The following GTF3C1 variants were observed in gnomAD, a reference collection of about 807,000 sequenced individuals.
GTF3C1 encodes the protein general transcription factor 3C polypeptide 1.
GTF3C1 carries 57 observed loss-of-function variants against 226.7 expected under a neutral mutation model. That is an observed-to-expected ratio of 0.25 (90% CI 0.20 to 0.31). The LOEUF (loss-of-function observed/expected upper bound fraction) is 0.31. Ranked by LOEUF, GTF3C1 falls within the 10% of genes least tolerant of loss-of-function variation. The probability of loss-of-function intolerance (pLI) is 1.00; values close to 1 mark genes in which losing one functional copy is unlikely to be tolerated. For missense variants in GTF3C1, 2,217 were observed against 2,776.1 expected, an observed-to-expected ratio of 0.80 and a Z score of 4.53; for synonymous variants, 1,090 against 1,084.8, an observed-to-expected ratio of 1.00 and a Z score of -0.09.
At chr16:27,525,454 C>T (rs1018533263) in intron 6 of GTF3C1, among the ~76,000 whole-genome samples, 3 of 152,250 alleles carry the variant, frequency 2.0e-5, no homozygotes, top group Non-Finnish European at 4.4e-5. Flanking sequence ...GGTTTCCTAA[C>T]CTCCCAGCTG....
chr16:27,547,410 C>A (rs1234276055), intron 1 of GTF3C1, among the ~76,000 whole-genome samples: 1 of 152,150 alleles, frequency 6.6e-6, no homozygotes, highest in Admixed American at 6.6e-5. Context: ...TCACATGTCT[C>A]TTCAGCAAAG....
At chr16:27,478,998 G>A (rs1012136305) in intron 27 of GTF3C1, among the ~76,000 whole-genome samples, 2 of 152,112 alleles carry the variant, frequency 1.3e-5, no homozygotes, top group African/African-American at 4.8e-5. Context: ...TGAGCAAAGG[G>A]TATAAAGTTA....
chr16:27,465,661 C>G (rs1389307329), intron 32 of GTF3C1, 121 bp from the exon 33 acceptor site: 24 of 759,958 alleles, frequency 3.2e-5, no homozygotes, highest in Non-Finnish European at 5.1e-5. Flanking sequence ...CCCCGACAGC[C>G]ACAGGGGTCA....
intron 2 of GTF3C1, among the ~76,000 whole-genome samples, chr16:27,543,457 CAT>C (rs1198469232): frequency 2.0e-5 from 3 of 152,198 alleles, no homozygotes; most frequent in African/African-American, 7.2e-5. Flanking sequence ...GTGGTGCAAT[CAT>C]AACTCACTGA....
At chr16:27,504,323 G>A (rs1001714715) in intron 10 of GTF3C1, among the ~76,000 whole-genome samples, 1 of 152,224 alleles carries the variant, frequency 6.6e-6, no homozygotes, top group Non-Finnish European at 1.5e-5. Flanking sequence ...AGGGAGGAAG[G>A]CAGGCGGGAC....
At chr16:27,537,394 T>C (rs2089017478) in intron 4 of GTF3C1, among the ~76,000 whole-genome samples, 1 of 152,184 alleles carries the variant, frequency 6.6e-6, no homozygotes, top group Non-Finnish European at 1.5e-5. Context: ...GCTATAGTCA[T>C]ATTCTAATTT....
At chr16:27,546,097 T>A (rs2089158721) in intron 1 of GTF3C1, among the ~76,000 whole-genome samples, 1 of 152,220 alleles carries the variant, frequency 6.6e-6, no homozygotes, top group Admixed American at 6.5e-5. Context: ...TCCACCCGCC[T>A]CAGCTTCCCA....
rs563127990 is a variant in GTF3C1 at position 27,488,955 on chromosome 16, G to C, written c.3429+88C>G. The C allele has an allele frequency of 1.1e-4, 132 of 1,242,488 alleles. No homozygotes were observed. The South Asian group carries it at 1.5e-3, about 14-fold the overall frequency. The allele number at this position is 1,242,488 out of a possible 1,614,324, so 77.0% of individuals were successfully genotyped here. On this transcript the variant is annotated intron_variant, in intron 21 of 36. Coordinates refer to ENST00000356183, the MANE Select transcript of GTF3C1 (RefSeq NM_001520.4). ...GCACCTTCAATACAAACGGAAGCCA[G>C]TATTTGTGTCTCTGGTCAGGCAGGG... is the stretch of plus-strand genomic sequence containing the variant.
In GTF3C1 at chr16:27,462,641, C is replaced by T. The variant is rs1281772937; in HGVS notation, c.5925-155G>A. On this transcript the variant is annotated intron_variant, in intron 35 of 36. Transcript: ENST00000356183. This position sits in a 1 kb window ranked among gnomAD's most constrained non-coding sequence, Gnocchi z 4.5. ...TCTCTGCTTTCCAAACTCCCTGCTT[C>T]TCTCCTGTCTGGACAGAGGGGCCCT... 1.3e-5 allele frequency: 8 copies of T among 621,196 alleles called. No individual in the cohort carries two copies. Among genetic ancestry groups the T allele is most frequent in the Middle Eastern group, 4.2e-4 (1 of 2,364 alleles). 38.5% of individuals were successfully genotyped at this position (621,196 alleles called of 1,614,324 possible).
chr16:27,489,868 C>G lies in GTF3C1; in HGVS notation c.3152-125G>C, dbSNP rs232067. ...CTGTGAAAAGGCTCCCCGGCCACTG[C>G]GGGGGTCTGAGATTGGTAAGACCTC... is the stretch of plus-strand genomic sequence containing the variant. On this transcript the variant is annotated intron_variant, in intron 19 of 36. Transcript: ENST00000356183. 5,078 of 877,314 alleles carry G rather than the reference C, an allele frequency of 5.8e-3. 179 individuals are homozygous for G. In the African/African-American group the frequency reaches 0.072, roughly 12 times the overall value. 54.3% of individuals were successfully genotyped at this position (877,314 alleles called of 1,614,324 possible). A position where few individuals can be genotyped will look rare whatever the true frequency, so the allele number is the denominator to read the frequency against.
rs1324748073 is a variant in GTF3C1 at position 27,462,889 on chromosome 16, GCACACTTTCCTCGAAACAGA to G, written c.5925-423_5925-404del. 9.7e-6 allele frequency: 2 copies of G among 205,976 alleles called. No individual in the cohort carries two copies. Among genetic ancestry groups the G allele is most frequent in the African/African-American group, 4.5e-5 (2 of 43,966 alleles). The allele number at this position is 205,976 out of a possible 1,614,324, so 12.8% of individuals were successfully genotyped here. A position where few individuals can be genotyped will look rare whatever the true frequency, so the allele number is the denominator to read the frequency against. ...CTCCACGCCATGTGCAGAGTTCCAG[GCACACTTTCCTCGAAACAGA>G]CGTTTCTGTTACTAAACCAGAGACT... On this transcript the variant is annotated intron_variant, in intron 35 of 36. Transcript: ENST00000356183. The surrounding 1 kb of genome is among the most constrained non-coding windows in gnomAD (Gnocchi z 4.5).
At chr16:27,528,492 A>T in intron 6 of GTF3C1, 106 bp downstream of exon 6, 1 of 881,204 alleles carries the variant, frequency 1.1e-6, no homozygotes, top group Non-Finnish European at 1.8e-6. Context: ...ATGTGAAATC[A>T]TTATGCCACA....
At chr16:27,536,130 T>C (rs1275662477) in intron 4 of GTF3C1, among the ~76,000 whole-genome samples, 1 of 152,260 alleles carries the variant, frequency 6.6e-6, no homozygotes, top group African/African-American at 2.4e-5. Context: ...AGTACAGTGT[T>C]GTAAACGTAT....
intron 21 of GTF3C1, 96 bp downstream of exon 21, chr16:27,488,947 G>A (rs745683281): frequency 1.7e-5 from 20 of 1,167,350 alleles, no homozygotes; most frequent in South Asian, 1.7e-4. Context: ...CAATACAAAC[G>A]GAAGCCAGTA....
chr16:27,520,552 T>C (rs1181495701), intron 6 of GTF3C1, among the ~76,000 whole-genome samples: 1 of 152,190 alleles, frequency 6.6e-6, no homozygotes, highest in Non-Finnish European at 1.5e-5. Context: ...CACAGGGTCT[T>C]AGGTTTTTCT....
chr16:27,485,424 A>G (rs1258330393), intron 24 of GTF3C1, among the ~76,000 whole-genome samples: 2 of 152,222 alleles, frequency 1.3e-5, no homozygotes, highest in Non-Finnish European at 2.9e-5. Flanking sequence ...ACAGCATGAG[A>G]AGTATCCGGC....
rs2089147878 is a variant in GTF3C1, at chr16:27,545,366, T to G, written c.379A>C (p.Ile127Leu). The G allele has an allele frequency of 1.9e-6, 3 of 1,613,928 alleles. No individual in the cohort carries two copies. The highest frequency in any genetic ancestry group is 1.6e-4 in the Middle Eastern group (1 of 6,084). ...CGAGGCTGCAAGGACTTGGTTCTGATGTCATTGGTAATGTTTTTCCTCTCC... is the reference window on the plus strand; with the variant it reads ...CGAGGCTGCAAGGACTTGGTTCTGAGGTCATTGGTAATGTTTTTCCTCTCC... The part of the protein sequence containing the change: ...FKERKNITND[I>L]RTKSLQPRCT... Residue 127 changes from isoleucine (I) to leucine (L), a missense_variant, in exon 2 of 37, where the codon ATC (isoleucine) becomes CTC (leucine). Coordinates refer to ENST00000356183, the MANE Select transcript of GTF3C1 (RefSeq NM_001520.4).
intron 6 of GTF3C1, among the ~76,000 whole-genome samples, chr16:27,526,542 C>G (rs543417555): frequency 6.6e-6 from 1 of 152,230 alleles, no homozygotes; most frequent in Non-Finnish European, 1.5e-5. Flanking sequence ...TCCATACTTA[C>G]GCTTTCAAAG....
intron 24 of GTF3C1, 147 bp downstream of exon 24, chr16:27,485,850 T>G: frequency 1.9e-6 from 1 of 536,520 alleles, no homozygotes; most frequent in South Asian, 2.7e-5. Flanking sequence ...AAAAAGAAAA[T>G]GTGTAGGATT....
Sources: allele counts gnomAD v4.1 joint callset (sites outside exome capture counted in the v4.1 genomes callset), GRCh38; gene constraint gnomAD v4.1.1; non-coding constraint Gnocchi (gnomAD v3.1); transcripts MANE v1.5; gene names NCBI Gene and HGNC (gene_info 2026-07-23, HGNC 2026-07-21).